AGBL4: variants seen among roughly 807,000 people sequenced by gnomAD.
AGBL4 encodes the protein cytosolic carboxypeptidase 6.
AGBL4 carries 58 observed loss-of-function variants against 66.4 expected under a neutral mutation model. That is an observed-to-expected ratio of 0.87 (90% CI 0.71 to 1.09). AGBL4 has a LOEUF of 1.09. AGBL4 is among the 50% of genes least tolerant of loss of function. AGBL4 has a pLI of 0.00. For synonymous variants in AGBL4, 234 were observed against 222.9 expected, an observed-to-expected ratio of 1.05 and a Z score of -0.44; for missense variants, 579 against 631.0, an observed-to-expected ratio of 0.92 and a Z score of 0.88.
intron 1 of AGBL4, among the ~76,000 whole-genome samples, chr1:49,948,176 ATAAC>A (rs1655589155): frequency 1.0e-5 from 1 of 99,992 alleles, no homozygotes; most frequent in South Asian, 3.1e-4. Flanking sequence ...ATAAATATAT[ATAAC>A]TATATATAAA....
At chr1:48,794,956 A>G (rs1432380855) in intron 6 of AGBL4, among the ~76,000 whole-genome samples, 2 of 152,096 alleles carry the variant, frequency 1.3e-5, no homozygotes, top group African/African-American at 4.8e-5. Flanking sequence ...ACTGTTTCCT[A>G]TTTTAGTAAA....
chr1:49,491,653 G>C (rs369496412), intron 3 of AGBL4, among the ~76,000 whole-genome samples: 1 of 151,854 alleles, frequency 6.6e-6, no homozygotes, highest in Non-Finnish European at 1.5e-5. Context: ...CTCAGAAAAG[G>C]CTGGCTTAAT....
At chr1:49,345,210 A>G (rs539050946) in intron 3 of AGBL4, among the ~76,000 whole-genome samples, 83 of 152,308 alleles carry the variant, frequency 5.4e-4, no homozygotes, top group African/African-American at 2.0e-3. Flanking sequence ...GTGTTCCAAA[A>G]TTATGCAAAA....
At chr1:49,648,697 G>C (rs778880501) in intron 3 of AGBL4, among the ~76,000 whole-genome samples, 21 of 151,572 alleles carry the variant, frequency 1.4e-4, no homozygotes, top group Non-Finnish European at 2.8e-4. Flanking sequence ...CAAGCAAAAA[G>C]ACAACGGAGT....
chr1:49,977,623 C>A (rs191207165), intron 1 of AGBL4, among the ~76,000 whole-genome samples: 2 of 152,338 alleles, frequency 1.3e-5, no homozygotes, highest in African/African-American at 4.8e-5. Context: ...TCTTCTCTCA[C>A]CTTCCATCAA....
chr1:49,931,403 G>T lies in AGBL4; in HGVS notation c.35-79885C>A, dbSNP rs1036093371. The stretch of plus-strand genomic sequence containing the variant: ...TTTAATTGACTCACAGTTCTGAATG[G>T]CTTGGGAGGCCTCAGGAAACTTACA... On this transcript the variant is annotated intron_variant, in intron 1 of 13. Transcript: ENST00000371839. Among the ~76,000 whole-genome samples the T allele has an allele frequency of 2.0e-5, 3 of 152,222 alleles. No homozygotes were observed. The South Asian group carries it at 6.2e-4, about 32-fold the overall frequency.
intron 6 of AGBL4, among the ~76,000 whole-genome samples, chr1:48,827,907 C>G (rs1646462691): frequency 6.6e-6 from 1 of 151,798 alleles, no homozygotes; most frequent in South Asian, 2.1e-4. Context: ...GTAATCCCAG[C>G]ACTTTGGGAG....
intron 1 of AGBL4, among the ~76,000 whole-genome samples, chr1:49,924,956 G>A (rs1294557230): frequency 1.3e-5 from 2 of 152,132 alleles, no homozygotes; most frequent in Non-Finnish European, 2.9e-5. Flanking sequence ...GGCTGTCTAG[G>A]CCACAAGGAT....
At chr1:48,977,538 C>T (rs1347511945) in intron 5 of AGBL4, among the ~76,000 whole-genome samples, 1 of 152,056 alleles carries the variant, frequency 6.6e-6, no homozygotes, top group Non-Finnish European at 1.5e-5. Flanking sequence ...TCATATTACA[C>T]CTGAAAACCC....
At chr1:49,926,445 G>T in intron 1 of AGBL4, among the ~76,000 whole-genome samples, 1 of 152,120 alleles carries the variant, frequency 6.6e-6, no homozygotes, top group East Asian at 1.9e-4. Flanking sequence ...AGCCAAGATT[G>T]TGAAGACAAC....
intron 5 of AGBL4, among the ~76,000 whole-genome samples, chr1:48,923,784 G>A (rs1020333973): frequency 6.6e-6 from 1 of 152,180 alleles, no homozygotes; most frequent in Admixed American, 6.5e-5. Context: ...ACATAGCCCA[G>A]GACCAATGTA....
chr1:49,511,637 C>G (rs368835014), intron 3 of AGBL4, among the ~76,000 whole-genome samples: 1 of 151,316 alleles, frequency 6.6e-6, no homozygotes, highest in South Asian at 2.1e-4. Context: ...AAAATTGAAG[C>G]TCCTTAGCTT....
At chr1:49,295,944 C>T (rs1250558338) in intron 3 of AGBL4, among the ~76,000 whole-genome samples, 2 of 152,086 alleles carry the variant, frequency 1.3e-5, no homozygotes, top group Admixed American at 1.3e-4. Context: ...TAAAGAAAGC[C>T]CAAACATCAC....
chr1:49,354,334 T>C (rs1643974707), intron 3 of AGBL4, among the ~76,000 whole-genome samples: 1 of 152,252 alleles, frequency 6.6e-6, no homozygotes, highest in Non-Finnish European at 1.5e-5. Flanking sequence ...TAATCAACAT[T>C]TAACCGTTGA....
chr1:48,642,767 C>T (rs896611551), intron 8 of AGBL4, among the ~76,000 whole-genome samples: 4 of 152,092 alleles, frequency 2.6e-5, no homozygotes, highest in African/African-American at 9.7e-5. Context: ...TAGGAATTCA[C>T]CATTTCCGTT....
chr1:49,835,274 AT>A (rs1207576236), intron 2 of AGBL4, among the ~76,000 whole-genome samples: 2 of 152,250 alleles, frequency 1.3e-5, no homozygotes, highest in Non-Finnish European at 2.9e-5. Context: ...GTGCATATGT[AT>A]TTAGGATAGT....
chr1:49,335,691 G>A (rs989674328), intron 3 of AGBL4, among the ~76,000 whole-genome samples: 1 of 151,782 alleles, frequency 6.6e-6, no homozygotes, highest in Non-Finnish European at 1.5e-5. Context: ...AATTTTTTGT[G>A]TTTTTAGTAG....
chr1:49,226,504 T>G (rs1476436789), intron 4 of AGBL4, among the ~76,000 whole-genome samples: 1 of 152,182 alleles, frequency 6.6e-6, no homozygotes, highest in Admixed American at 6.5e-5. Context: ...CCTTCCTTAA[T>G]GTCTCTCCTG....
intron 5 of AGBL4, among the ~76,000 whole-genome samples, chr1:49,014,807 C>A (rs1038299263): frequency 6.6e-6 from 1 of 152,114 alleles, no homozygotes; most frequent in African/African-American, 2.4e-5. Flanking sequence ...ATATAACTTA[C>A]CCAAATAAGG....
Sources: allele counts gnomAD v4.1 joint callset (sites outside exome capture counted in the v4.1 genomes callset), GRCh38; gene constraint gnomAD v4.1.1; transcripts MANE v1.5; gene names NCBI Gene and HGNC (gene_info 2026-07-23, HGNC 2026-07-21).